The following PCSK2 variants were observed in gnomAD, a reference collection of about 807,000 sequenced individuals.
PCSK2 encodes proprotein convertase subtilisin/kexin type 2, also known as neuroendocrine convertase 2.
Under a neutral mutation model 69.7 loss-of-function variants are expected in PCSK2, and 14 were observed. The ratio of observed to expected loss-of-function variants is 0.20; its 90% CI spans 0.13 to 0.31. The LOEUF (loss-of-function observed/expected upper bound fraction) is 0.31, where lower values mean the gene tolerates loss of function less well. Ranked by LOEUF, PCSK2 falls within the 10% of genes least tolerant of loss-of-function variation. PCSK2 has a pLI of 1.00. For synonymous variants in PCSK2, 307 were observed against 320.7 expected (o/e 0.96, Z 0.46); for missense variants, 544 against 842.5 (o/e 0.65, Z 4.39).
At chr20:17,471,451 G>A (rs1244122299) in intron 11 of PCSK2, among the ~76,000 whole-genome samples, 1 of 152,194 alleles carries the variant, frequency 6.6e-6, no homozygotes, top group African/African-American at 2.4e-5. Flanking sequence ...TCATATTCAT[G>A]GTGTAACCCT....
chr20:17,301,477 C>A (rs1989080613), intron 2 of PCSK2, among the ~76,000 whole-genome samples: 1 of 152,126 alleles, frequency 6.6e-6, no homozygotes, highest in Non-Finnish European at 1.5e-5. Flanking sequence ...AAATTAATTT[C>A]CATAAGGAGA....
At chr20:17,237,967 T>A (rs1986407959) in intron 1 of PCSK2, among the ~76,000 whole-genome samples, 2 of 152,308 alleles carry the variant, frequency 1.3e-5, no homozygotes, top group East Asian at 3.9e-4. Flanking sequence ...AGGCTGATGT[T>A]AACACTCCAG....
At chr20:17,364,205 CAAAT>C (rs902128687) in intron 4 of PCSK2, among the ~76,000 whole-genome samples, 1 of 151,732 alleles carries the variant, frequency 6.6e-6, no homozygotes, top group African/African-American at 2.4e-5. Context: ...TCAATAAATT[CAAAT>C]AAATAAATAA....
At chr20:17,389,476 T>C (rs1451044526) in intron 5 of PCSK2, among the ~76,000 whole-genome samples, 3 of 151,926 alleles carry the variant, frequency 2.0e-5, no homozygotes, top group African/African-American at 7.3e-5. Context: ...TTAACAACAA[T>C]GAATATCGAC....
intron 7 of PCSK2, among the ~76,000 whole-genome samples, chr20:17,435,785 G>A (rs1315295962): frequency 6.6e-6 from 1 of 152,214 alleles, no homozygotes; most frequent in African/African-American, 2.4e-5. Flanking sequence ...CCTGGAGAGA[G>A]GCATGTGACC....
At chr20:17,275,511 CTG>C (rs1016321443) in intron 2 of PCSK2, among the ~76,000 whole-genome samples, 2 of 152,110 alleles carry the variant, frequency 1.3e-5, no homozygotes, top group Non-Finnish European at 2.9e-5. Flanking sequence ...GGTTCGAAAA[CTG>C]TGGACTTTTA....
chr20:17,390,202 A>G (rs913877775), intron 5 of PCSK2, among the ~76,000 whole-genome samples: 4 of 152,226 alleles, frequency 2.6e-5, no homozygotes, highest in Non-Finnish European at 5.9e-5. Context: ...AAGCCGGCAG[A>G]ATTCAGATAC....
At chr20:17,238,828 T>C (rs956919007) in intron 1 of PCSK2, among the ~76,000 whole-genome samples, 8 of 152,194 alleles carry the variant, frequency 5.3e-5, no homozygotes, top group African/African-American at 1.9e-4. Flanking sequence ...ACCATTGGGT[T>C]TACACTTGGT....
intron 6 of PCSK2, among the ~76,000 whole-genome samples, chr20:17,409,659 T>G (rs148246202): frequency 1.8e-4 from 27 of 152,348 alleles, no homozygotes; most frequent in African/African-American, 6.3e-4. Context: ...CTGATTTTGC[T>G]TTATGTGTTG....
At chr20:17,318,760 G>A (rs1989769836) in intron 2 of PCSK2, among the ~76,000 whole-genome samples, 1 of 152,204 alleles carries the variant, frequency 6.6e-6, no homozygotes, top group Non-Finnish European at 1.5e-5. Flanking sequence ...TCTGCTTTCA[G>A]CAGCTTTGAA....
intron 2 of PCSK2, among the ~76,000 whole-genome samples, chr20:17,267,497 T>C (rs556968450): frequency 9.9e-5 from 15 of 152,270 alleles, no homozygotes; most frequent in Non-Finnish European, 1.8e-4. Context: ...ACTTTCAGCA[T>C]CTCCTCTGGG....
At chr20:17,481,413 A>AAAAAAAAG (rs113487407) in intron 11 of PCSK2, among the ~76,000 whole-genome samples, 171 bp from the exon 12 acceptor site, 1 of 115,820 alleles carries the variant, frequency 8.6e-6, no homozygotes, top group Non-Finnish European at 1.7e-5. Flanking sequence ...AAAAAAAAAA[A>AAAAAAAAG]AGAGATAAGT....
At chr20:17,465,264 T>G in intron 10 of PCSK2, 62 bp from the exon 11 acceptor site, 1 of 1,094,508 alleles carries the variant, frequency 9.1e-7, no homozygotes, top group Non-Finnish European at 1.4e-6. Context: ...TCATTGTGCC[T>G]CTCTCCCTCT....
At chr20:17,443,249 G>A (rs1017233629) in intron 8 of PCSK2, among the ~76,000 whole-genome samples, 1 of 152,196 alleles carries the variant, frequency 6.6e-6, no homozygotes, top group Non-Finnish European at 1.5e-5. Context: ...CCAGTCTGCT[G>A]TTGAAATTCA....
chr20:17,334,409 A>G (rs1442547533), intron 2 of PCSK2, among the ~76,000 whole-genome samples: 5 of 152,220 alleles, frequency 3.3e-5, no homozygotes, highest in Non-Finnish European at 1.5e-5. Flanking sequence ...AAATTTACCA[A>G]TTAACTTGGG....
intron 2 of PCSK2, among the ~76,000 whole-genome samples, chr20:17,269,790 CT>C (rs1987788306): frequency 6.6e-6 from 1 of 152,064 alleles, no homozygotes; most frequent in African/African-American, 2.4e-5. Flanking sequence ...AGGGAAGAAC[CT>C]GAATTGGGCA....
intron 3 of PCSK2, among the ~76,000 whole-genome samples, chr20:17,359,263 A>T (rs1568617229): frequency 6.6e-6 from 1 of 152,102 alleles, no homozygotes; most frequent in Non-Finnish European, 1.5e-5. Flanking sequence ...TCAGAGCTTG[A>T]CTCTGACTTA....
chr20:17,432,552 C>T (rs2032389866), intron 7 of PCSK2, among the ~76,000 whole-genome samples: 2 of 151,902 alleles, frequency 1.3e-5, no homozygotes, highest in South Asian at 4.2e-4. Context: ...AAAAAGGACC[C>T]CATTCTTTCC....
chr20:17,420,563 G>C (rs1174220938), intron 6 of PCSK2, among the ~76,000 whole-genome samples: 2 of 152,180 alleles, frequency 1.3e-5, no homozygotes, highest in African/African-American at 4.8e-5. Context: ...AAAAGGAGTA[G>C]ATGTAATATA....
Sources: gnomAD v4.1 joint callset for allele counts (sites outside exome capture counted in the v4.1 genomes callset) on GRCh38, gnomAD v4.1.1 for gene constraint, MANE v1.5 for transcripts, NCBI Gene and HGNC (gene_info 2026-07-23, HGNC 2026-07-21) for gene names.